The following NUDT6 variants were observed in gnomAD, a reference collection of about 807,000 sequenced individuals.
NUDT6 encodes the protein FAD diphosphatase NUDT6.
Under a neutral mutation model 36.8 loss-of-function variants are expected in NUDT6, and 24 were observed. That is an observed-to-expected ratio of 0.65 (90% CI 0.47 to 0.92). The LOEUF (loss-of-function observed/expected upper bound fraction) is 0.92, where lower values mean the gene tolerates loss of function less well. NUDT6 is among the 40% of genes least tolerant of loss of function. The probability of loss-of-function intolerance (pLI) is 0.00; values close to 1 mark genes in which losing one functional copy is unlikely to be tolerated. For missense variants in NUDT6, 388 were observed against 392.8 expected, an observed-to-expected ratio of 0.99 and a Z score of 0.10; for synonymous variants, 163 against 157.0, an observed-to-expected ratio of 1.04 and a Z score of -0.29.
At chr4:122,904,131 A>C (rs997191136) in intron 3 of NUDT6, among the ~76,000 whole-genome samples, 3 of 152,184 alleles carry the variant, frequency 2.0e-5, no homozygotes, top group Admixed American at 2.0e-4. Context: ...TCCCCTGAGT[A>C]GGAGTGGGGG....
intron 1 of NUDT6, chr4:122,921,473 G>C (rs1308575997): frequency 6.6e-6 from 1 of 151,962 alleles, no homozygotes; most frequent in East Asian, 1.9e-4. Flanking sequence ...ATGCGCGCCT[G>C]TAGTCCTAGC....
At chr4:122,909,940 T>C (rs1385640657) in intron 3 of NUDT6, among the ~76,000 whole-genome samples, 3 of 152,252 alleles carry the variant, frequency 2.0e-5, no homozygotes, top group African/African-American at 7.2e-5. Context: ...GCCTATTTAT[T>C]TGTTTTGTCA....
At chr4:122,896,141 T>C (rs1727343619) in intron 4 of NUDT6, 1 of 152,538 alleles carries the variant, frequency 6.6e-6, no homozygotes, top group Non-Finnish European at 1.5e-5. Context: ...GAGGCATATA[T>C]GATCTCTGGG....
intron 4 of NUDT6, chr4:122,894,767 CAT>C (rs1465734199): frequency 6.6e-6 from 1 of 152,000 alleles, no homozygotes; most frequent in African/African-American, 2.4e-5. Context: ...TGGGGAAATA[CAT>C]GTTTGTTATT....
At chr4:122,919,933 CT>C in intron 1 of NUDT6, 1 of 152,292 alleles carries the variant, frequency 6.6e-6, no homozygotes, top group African/African-American at 2.4e-5. Flanking sequence ...ACTGGCTTGC[CT>C]AAAGTCACAT....
chr4:122,899,470 GCTTA>G (rs1276187916), intron 3 of NUDT6, among the ~76,000 whole-genome samples: 1 of 152,050 alleles, frequency 6.6e-6, no homozygotes, highest in Non-Finnish European at 1.5e-5. Context: ...TTTTTAAAAT[GCTTA>G]CTTCTCCCCT....
intron 4 of NUDT6, chr4:122,897,275 G>GT (rs765435562): frequency 1.9e-5 from 4 of 205,948 alleles, no homozygotes; most frequent in Non-Finnish European, 3.9e-5. Flanking sequence ...TTTTCTCATA[G>GT]TTTAATTCCA....
chr4:122,914,351 G>A (rs1727789566), intron 2 of NUDT6, among the ~76,000 whole-genome samples: 1 of 152,128 alleles, frequency 6.6e-6, no homozygotes. Context: ...GACTTTACAA[G>A]AGGTAGACTG....
intron 3 of NUDT6, among the ~76,000 whole-genome samples, chr4:122,912,195 G>C (rs1013896451): frequency 5.9e-5 from 9 of 152,180 alleles, no homozygotes; most frequent in Admixed American, 5.9e-4. Flanking sequence ...AGGGCATAAG[G>C]TATATCGTCT....
intron 3 of NUDT6, among the ~76,000 whole-genome samples, chr4:122,910,064 G>C (rs1727702136): frequency 1.3e-5 from 1 of 79,806 alleles, no homozygotes; most frequent in South Asian, 3.9e-4. Context: ...GACGCATTAA[G>C]TGCAACCATG....
In NUDT6 at chr4:122,922,403, G is replaced by A. The variant is rs1469173069; in HGVS notation, c.170C>T (p.Ser57Leu). ...QGELDRFGGI[S>L]VRLARLDALD... ...CGCATCGAGCCGCGCCAGGCGCACC[G>A]AGATGCCCCCGAATCTGTCCAGCTC... The change falls in exon 1 of 5, where the codon TCG becomes TTG. Residue 57 changes from serine to leucine, a missense_variant. Physicochemically the swap from Ser to Leu is moderately radical, Grantham distance 145. Coordinates refer to ENST00000304430, the MANE Select transcript of NUDT6 (RefSeq NM_007083.5). The A allele has an allele frequency of 3.1e-6, 5 of 1,610,268 alleles. No individual in the cohort carries two copies. In the Admixed American group the frequency reaches 5.0e-5, roughly 16 times the overall value.
intron 3 of NUDT6, among the ~76,000 whole-genome samples, chr4:122,904,424 T>A (rs2150803498): frequency 6.6e-6 from 1 of 152,224 alleles, no homozygotes; most frequent in African/African-American, 2.4e-5. Context: ...CAGTTCTAAG[T>A]TGGTAGATGA....
intron 3 of NUDT6, among the ~76,000 whole-genome samples, chr4:122,900,067 CG>C (rs1275782391): frequency 7.2e-4 from 95 of 131,880 alleles, no homozygotes; most frequent in African/African-American, 2.5e-3. Flanking sequence ...ACCCCCCCCC[CG>C]GCCCCCACCA....
intron 3 of NUDT6, among the ~76,000 whole-genome samples, chr4:122,899,857 G>A (rs186154628): frequency 8.1e-4 from 123 of 152,108 alleles, no homozygotes; most frequent in African/African-American, 2.8e-3. Flanking sequence ...ACTGAATGAC[G>A]GATGAAAAAA....
chr4:122,893,327 C>T, intron 4 of NUDT6, 102 bp from the exon 5 acceptor site: 1 of 1,121,038 alleles, frequency 8.9e-7, no homozygotes, highest in Non-Finnish European at 1.2e-6. Context: ...AGGCTCAAAA[C>T]ATTACCCTAA....
upstream of NUDT6, chr4:122,922,616 C>T (rs73844965): frequency 1.0e-3 from 1,586 of 1,513,090 alleles, 10 homozygotes; most frequent in African/African-American, 0.018. Context: ...GACCCCTCCG[C>T]GCTCCAGAGC....
chr4:122,898,577 T>A (rs1279596517), intron 3 of NUDT6, among the ~76,000 whole-genome samples: 1 of 152,182 alleles, frequency 6.6e-6, no homozygotes, highest in Non-Finnish European at 1.5e-5. Context: ...GATGAATGCT[T>A]CTTAAAAGAA....
Position 122,917,530 on chromosome 4 carries a change from C to G in NUDT6, c.413G>C (p.Gly138Ala), listed in dbSNP as rs199601689. Residue 138 changes from glycine (G) to alanine (A), a missense_variant, in exon 2 of 5, where the codon GGA (glycine) becomes GCA (alanine). Gly to Ala is a moderately conservative substitution (Grantham distance 60). Transcript: ENST00000304430. ...AACTCCTACTTGATGTGAAGCATAT[C>G]CTGGTAATCTGCTGGGCCCTTCTCT... ...WLREGPSRLPGYASHQVGVAG... is the reference protein window; with the variant it reads ...WLREGPSRLPAYASHQVGVAG... The G allele has an allele frequency of 1.9e-4, 311 of 1,614,128 alleles. No homozygotes were observed. Among genetic ancestry groups the G allele is most frequent in the South Asian group, 8.2e-4 (75 of 91,084 alleles).
At chr4:122,899,225 A>G (rs1727459929) in intron 3 of NUDT6, among the ~76,000 whole-genome samples, 1 of 151,616 alleles carries the variant, frequency 6.6e-6, no homozygotes, top group Admixed American at 6.6e-5. Flanking sequence ...GGAGCAGACC[A>G]ATGTTTCCTA....
Sources: gnomAD v4.1 joint callset for allele counts (sites outside exome capture counted in the v4.1 genomes callset) on GRCh38, gnomAD v4.1.1 for gene constraint, MANE v1.5 for transcripts, NCBI Gene and HGNC (gene_info 2026-07-23, HGNC 2026-07-21) for gene names.